Variants in DISP3 observed in about 807,000 individuals in gnomAD.
DISP3 encodes dispatched RND transporter family member 3.
In DISP3, 101 loss-of-function variants were observed where a neutral mutation model predicts 135.3. The ratio of observed to expected loss-of-function variants is 0.75; its 90% confidence interval spans 0.64 to 0.88. The LOEUF is 0.88. Among genes scored for constraint, DISP3 ranks in the 40% least tolerant of loss-of-function variants. The pLI is 0.00. For synonymous variants in DISP3, 856 were observed against 817.0 expected, an observed-to-expected ratio of 1.05 and a Z score of -0.81; for missense variants, 1,713 against 1,878.6, an observed-to-expected ratio of 0.91 and a Z score of 1.63.
In DISP3 at chr1:11,520,834, G is replaced by A. The variant is rs1310067250; in HGVS notation, c.2348G>A (p.Cys783Tyr). 1.9e-6 allele frequency: 3 copies of A among 1,606,658 alleles called. No individual in the cohort carries two copies. In the Admixed American group the frequency reaches 5.1e-5, roughly 27 times the overall value. Residue 783 changes from cysteine (C) to tyrosine (Y), a missense_variant, in exon 10 of 21, where the codon TGC becomes TAC. Coordinates refer to ENST00000294484, the MANE Select transcript of DISP3 (RefSeq NM_020780.2). This position sits in a 1 kb window ranked among gnomAD's most constrained non-coding sequence, Gnocchi z 4.8. ...AACCTGAGCGCCGAGGGCATCTCCT[G>A]CATCACCTGTTCAGGTGAGGCTTCT... Reference protein sequence around the residue: ...KYNLSAEGISCITCSGLFQEK... With the variant: ...KYNLSAEGISYITCSGLFQEK...
At chr1:11,528,353 TC>T (rs1041468543) in intron 13 of DISP3, among the ~76,000 whole-genome samples, 7 of 152,068 alleles carry the variant, frequency 4.6e-5, no homozygotes, top group Non-Finnish European at 8.8e-5. Context: ...GGGGTTTCAT[TC>T]CCCATGTTGT....
At chr1:11,493,264 T>C (rs985558018) in intron 1 of DISP3, among the ~76,000 whole-genome samples, 54 of 152,322 alleles carry the variant, frequency 3.5e-4, no homozygotes, top group Middle Eastern at 3.4e-3. Context: ...GAAGAGCTGA[T>C]ATTTCAGCTT....
At position 11,519,759 on chromosome 1, in the gene DISP3, C is replaced by T. The variant is rs1642125416; in HGVS notation, c.2079C>T (p.Ser693=). The change falls in exon 9 of 21, where the codon TCC becomes TCT. Residue 693 remains serine, a synonymous_variant. Coordinates refer to ENST00000294484, the MANE Select transcript of DISP3 (RefSeq NM_020780.2). The surrounding 1 kb of genome is among the most constrained non-coding windows in gnomAD (Gnocchi z 4.3). ...ELGDVSLVSV[S]PEGLQPASNT... is the part of the protein sequence containing the mutation. ...GAGACGTGTCCCTGGTGTCTGTGTC[C>T]CCCGAGGGTCTGCAGCCAGCCTCCA... 1.9e-6 allele frequency: 3 copies of T among 1,613,088 alleles called. No homozygotes were observed. Among genetic ancestry groups the T allele is most frequent in the Non-Finnish European group, 2.5e-6 (3 of 1,179,998 alleles).
rs1280824803 is a variant in DISP3, at chr1:11,526,877, C to A, written c.2798+42C>A. ...GACAAGCCGGTGCCCATCAGCCCGG[C>A]TGCTTCTTTGCCCTTTTCTCTCTTT... On this transcript the variant is annotated intron_variant, in intron 13 of 20. Coordinates refer to ENST00000294484, the MANE Select transcript of DISP3 (RefSeq NM_020780.2). 1.9e-6 allele frequency: 3 copies of A among 1,573,596 alleles called. No individual in the cohort carries two copies. The African/African-American group carries it at 4.0e-5, about 21-fold the overall frequency.
intron 3 of DISP3, among the ~76,000 whole-genome samples, chr1:11,511,179 A>C (rs562840091): frequency 2.4e-4 from 36 of 152,240 alleles, no homozygotes; most frequent in East Asian, 1.5e-3. Context: ...GGCCCCTCCA[A>C]TTCTCATGTC....
chr1:11,518,732 G>A (rs997760222), intron 7 of DISP3, among the ~76,000 whole-genome samples: 1 of 152,220 alleles, frequency 6.6e-6, no homozygotes, highest in African/African-American at 2.4e-5. Context: ...TCTGTGAAAT[G>A]GTTGTGATGT....
At position 11,536,721 on chromosome 1, in the gene DISP3, C is replaced by T. The variant is rs745896786; in HGVS notation, c.*35C>T. ...GGCTCTGGACACTTGCACCTTTGGTCCCATGGGTGGGGGACAGGAGCTGCT... is the reference window on the plus strand; with the variant it reads ...GGCTCTGGACACTTGCACCTTTGGTTCCATGGGTGGGGGACAGGAGCTGCT... On this transcript the variant is annotated 3_prime_UTR_variant, in exon 21 of 21. Transcript: ENST00000294484. This position sits in a 1 kb window ranked among gnomAD's most constrained non-coding sequence, Gnocchi z 4.3. The T allele has an allele frequency of 5.2e-5, 77 of 1,489,030 alleles. No homozygotes were observed. Among genetic ancestry groups the T allele is most frequent in the Non-Finnish European group, 6.2e-5 (69 of 1,121,554 alleles). 92.2% of individuals were successfully genotyped at this position (1,489,030 alleles called of 1,614,324 possible).
At position 11,519,347 on chromosome 1, in the gene DISP3, C is replaced by A. The variant is rs1023675867; in HGVS notation, c.1890-8C>A. On this transcript the variant is annotated splice_polypyrimidine_tract_variant and splice_region_variant and intron_variant, in intron 7 of 20. Transcript: ENST00000294484. The surrounding 1 kb of genome is among the most constrained non-coding windows in gnomAD (Gnocchi z 4.3). ...CTGGTTCACCCCTGTCCCCTACTCT[C>A]TCCACAGCTGCCACCAGAATTGCAG... 1 of 1,613,360 alleles carries A rather than the reference C, an allele frequency of 6.2e-7. No homozygotes were observed. The highest frequency in any genetic ancestry group is 1.3e-5 in the African/African-American group (1 of 74,922).
rs140283254 is a variant in DISP3, at chr1:11,508,904, T to C, written c.1317-5486T>C. ...ATTGCTTTTCTGTTTTCTATTTCCT[T>C]GATTTCTGCTCTGATCTTTATTATT... On this transcript the variant is annotated intron_variant, in intron 3 of 20. Transcript: ENST00000294484. Among the ~76,000 whole-genome samples the C allele has an allele frequency of 8.6e-4, 131 of 152,348 alleles. 2 individuals carry two copies. The highest frequency in any genetic ancestry group is 3.1e-3 in the African/African-American group (127 of 41,590).
chr1:11,481,686 G>GTGAA (rs1640908983), intron 1 of DISP3: 1 of 152,186 alleles, frequency 6.6e-6, no homozygotes, highest in Admixed American at 6.5e-5. Flanking sequence ...ACTGCCTGAG[G>GTGAA]TGACCTGTAG....
intron 1 of DISP3, among the ~76,000 whole-genome samples, chr1:11,493,455 T>C (rs1167175726): frequency 6.6e-6 from 1 of 152,234 alleles, no homozygotes; most frequent in African/African-American, 2.4e-5. Flanking sequence ...CTGGGCTTGG[T>C]GGCTCACTCC....
intron 1 of DISP3, among the ~76,000 whole-genome samples, chr1:11,481,056 C>G (rs1640890893): frequency 7.6e-6 from 1 of 131,546 alleles, no homozygotes; most frequent in African/African-American, 3.3e-5. Context: ...CTCTCTCTCT[C>G]TCTCTCTCAC....
intron 10 of DISP3, among the ~76,000 whole-genome samples, chr1:11,522,264 C>T (rs910992998): frequency 2.0e-5 from 3 of 152,152 alleles, no homozygotes; most frequent in African/African-American, 7.2e-5. Flanking sequence ...TCTGCTGGTG[C>T]TGTCATTACC....
At chr1:11,535,943 C>T (rs1377181597) in intron 20 of DISP3, among the ~76,000 whole-genome samples, 1 of 152,184 alleles carries the variant, frequency 6.6e-6, no homozygotes, top group African/African-American at 2.4e-5. Context: ...CATTCTCCTT[C>T]CAGCCACGAC....
rs1448955632 is a variant in DISP3 at position 11,526,700 on chromosome 1, T to C, written c.2663T>C (p.Met888Thr). The change falls in exon 13 of 21, where the codon ATG becomes ACG. Residue 888 changes from methionine to threonine, a missense_variant. By Grantham distance (81) the Met-to-Thr change is moderately conservative. Coordinates refer to ENST00000294484, the MANE Select transcript of DISP3 (RefSeq NM_020780.2). ...GNFTKKLTACMSTVGLLQAAS... is the reference protein window; with the variant it reads ...GNFTKKLTACTSTVGLLQAAS... Reference sequence around the variant, plus strand: ...TTCACCAAGAAGCTGACCGCTTGTATGTCTACAGTAGGGCTGCTCCAGGCG... The same window carrying C: ...TTCACCAAGAAGCTGACCGCTTGTACGTCTACAGTAGGGCTGCTCCAGGCG... 6.2e-7 allele frequency: 1 copy of C among 1,614,148 alleles called. No individual in the cohort carries two copies. Among genetic ancestry groups the C allele is most frequent in the African/African-American group, 1.3e-5 (1 of 75,060 alleles).
At chr1:11,534,787 G>A (rs1642663617) in intron 18 of DISP3, 3 of 760,802 alleles carry the variant, frequency 3.9e-6, no homozygotes, top group Admixed American at 4.2e-5. Context: ...GACCATGATG[G>A]CAGCTGCCAG....
Position 11,520,012 on chromosome 1 carries a change from C to A in DISP3, c.2200+132C>A, listed in dbSNP as rs1358434001. ...GGGCTGGGGTCTCTCCCTCTCTGACCCCCCCTCTTTCCTGTGCAGAATGAA... is the reference window on the plus strand; with the variant it reads ...GGGCTGGGGTCTCTCCCTCTCTGACACCCCCTCTTTCCTGTGCAGAATGAA... On this transcript the variant is annotated intron_variant, in intron 9 of 20. Transcript: ENST00000294484. This position sits in a 1 kb window ranked among gnomAD's most constrained non-coding sequence, Gnocchi z 4.8. 4.7e-6 allele frequency: 4 copies of A among 843,876 alleles called. No individual in the cohort carries two copies. The East Asian group carries it at 8.0e-5, about 17-fold the overall frequency. The allele number at this position is 843,876 out of a possible 1,614,324, so 52.3% of individuals were successfully genotyped here.
In DISP3 at chr1:11,501,215, G is replaced by A; in HGVS notation, c.223G>A (p.Gly75Arg). Reference sequence around the variant, plus strand: ...GGCCTTCACCAATCCGTGCTGTGCTGGGCTGGTGCTCTTCCTGGGCTGCAG... The same window carrying A: ...GGCCTTCACCAATCCGTGCTGTGCTAGGCTGGTGCTCTTCCTGGGCTGCAG... ...GWAFTNPCCA[G>R]LVLFLGCSIP... Residue 75 changes from glycine to arginine, a missense_variant, in exon 2 of 21, where the codon GGG becomes AGG. By Grantham distance (125) the Gly-to-Arg change is moderately radical. Transcript: ENST00000294484. The surrounding 1 kb of genome is among the most constrained non-coding windows in gnomAD (Gnocchi z 4.9). 6.2e-7 allele frequency: 1 copy of A among 1,614,168 alleles called. No individual in the cohort carries two copies. Among genetic ancestry groups the A allele is most frequent in the Non-Finnish European group, 8.5e-7 (1 of 1,180,036 alleles).
At chr1:11,517,628 C>A in intron 7 of DISP3, 26 bp downstream of exon 7, 1 of 1,609,620 alleles carries the variant, frequency 6.2e-7, no homozygotes. Flanking sequence ...CCTCCACCCA[C>A]AGCAGGGTAT....
Sources: gnomAD v4.1 joint callset for allele counts (sites outside exome capture counted in the v4.1 genomes callset) on GRCh38, gnomAD v4.1.1 for gene constraint, Gnocchi (gnomAD v3.1) non-coding constraint, MANE v1.5 for transcripts, NCBI Gene and HGNC (gene_info 2026-07-23, HGNC 2026-07-21) for gene names.